Variants in SUN5 observed in about 807,000 individuals in gnomAD.
SUN5 encodes Sad1 and UNC84 domain containing 5.
In SUN5, 44 loss-of-function variants were observed where a neutral mutation model predicts 53.7. The observed-to-expected ratio is 0.82, with a 90% CI of 0.64 to 1.05. SUN5 has a LOEUF of 1.05. Among genes scored for constraint, SUN5 ranks in the 50% least tolerant of loss-of-function variants. The pLI, the probability that SUN5 is intolerant of heterozygous loss-of-function variation, is 0.00. For synonymous variants in SUN5, 166 were observed against 179.8 expected, an observed-to-expected ratio of 0.92 and a Z score of 0.62; for missense variants, 433 against 483.8, an observed-to-expected ratio of 0.90 and a Z score of 0.98.
intron 7 of SUN5, among the ~76,000 whole-genome samples, chr20:32,996,088 C>A (rs1268146549): frequency 1.3e-5 from 2 of 152,156 alleles, no homozygotes; most frequent in Non-Finnish European, 2.9e-5. Flanking sequence ...TTCTTTAGCA[C>A]CCATAATTGC....
chr20:33,002,327 A>G, intron 3 of SUN5, among the ~76,000 whole-genome samples: 1 of 152,182 alleles, frequency 6.6e-6, no homozygotes, highest in African/African-American at 2.4e-5. Flanking sequence ...ACCAGCAGCC[A>G]GACTGGTGGT....
intron 2 of SUN5, 91 bp from the exon 3 acceptor site, chr20:33,002,752 A>G (rs945713045): frequency 1.9e-6 from 3 of 1,599,234 alleles, no homozygotes; most frequent in East Asian, 2.2e-5. Flanking sequence ...TGGTGCGAAC[A>G]TCCCTGCCCC....
chr20:32,987,629 C>T, intron 10 of SUN5, 31 bp downstream of exon 10: 1 of 1,547,914 alleles, frequency 6.5e-7, no homozygotes, highest in Non-Finnish European at 8.8e-7. Flanking sequence ...CACTCCCCTG[C>T]CGCTGTCCCA....
chr20:32,987,658 G>T lies in SUN5; in HGVS notation c.729+2C>A, dbSNP rs765618626. On this transcript the variant is annotated splice_donor_variant, in intron 10 of 12. Coordinates refer to ENST00000356173, the MANE Select transcript of SUN5 (RefSeq NM_080675.4). LOFTEE classifies it high-confidence loss of function. ...TGTCCCATCTCCCGCCATCCCCCCTGCCTCAAGGATCACGTCTGGGGGCTG... is the reference window on the plus strand; with the variant it reads ...TGTCCCATCTCCCGCCATCCCCCCTTCCTCAAGGATCACGTCTGGGGGCTG... The T allele has an allele frequency of 1.2e-6, 2 of 1,600,104 alleles. No homozygotes were observed. The highest frequency in any genetic ancestry group is 1.7e-5 in the Admixed American group (1 of 57,912).
chr20:32,992,770 A>G (rs1989743501), intron 8 of SUN5, among the ~76,000 whole-genome samples: 3 of 152,220 alleles, frequency 2.0e-5, no homozygotes, highest in Admixed American at 2.0e-4. Flanking sequence ...CCAAAAGGCA[A>G]CAGACAAAAT....
chr20:32,985,951 TC>T (rs1872979053), intron 10 of SUN5, 48 bp from the exon 11 acceptor site: 1 of 1,579,200 alleles, frequency 6.3e-7, no homozygotes, highest in African/African-American at 1.3e-5. Flanking sequence ...GGTAGGGGGA[TC>T]ATCCCACCTT....
intron 9 of SUN5, among the ~76,000 whole-genome samples, chr20:32,988,325 C>T (rs1989605033): frequency 6.6e-6 from 1 of 152,196 alleles, no homozygotes; most frequent in Admixed American, 6.5e-5. Context: ...CTCACTGATC[C>T]TGGGGGTGCC....
chr20:32,990,638 G>A (rs1326114121), intron 8 of SUN5, among the ~76,000 whole-genome samples: 1 of 152,222 alleles, frequency 6.6e-6, no homozygotes, highest in South Asian at 2.1e-4. Flanking sequence ...CAGGCCACAC[G>A]GAGAGGCCAC....
intron 9 of SUN5, among the ~76,000 whole-genome samples, chr20:32,989,017 C>A (rs1036675375): frequency 6.6e-6 from 1 of 152,030 alleles, no homozygotes; most frequent in Non-Finnish European, 1.5e-5. Flanking sequence ...GCTCTGCCTC[C>A]CGGGTTTACC....
In SUN5 at chr20:32,996,362, G is replaced by A. The variant is rs750044111; in HGVS notation, c.391-4C>T. 5.0e-6 allele frequency: 8 copies of A among 1,612,638 alleles called. No homozygotes were observed. Among genetic ancestry groups the A allele is most frequent in the Non-Finnish European group, 6.8e-6 (8 of 1,179,116 alleles). On this transcript the variant is annotated splice_region_variant and splice_polypyrimidine_tract_variant and intron_variant, in intron 6 of 12. Transcript: ENST00000356173. ...GTGGACCATTTATGCTGTCATCCTG[G>A]TGGAGTATTGAGAAAGTAAGGGGTC...
chr20:32,994,638 T>C (rs2377736), intron 8 of SUN5, among the ~76,000 whole-genome samples: 69,064 of 152,026 alleles, frequency 0.45, 16,466 homozygotes, highest in East Asian at 0.84. Flanking sequence ...GTGGCTCACG[T>C]CTGTAATCTT....
intron 8 of SUN5, 42 bp downstream of exon 8, chr20:32,995,577 A>C: frequency 1.9e-6 from 3 of 1,549,916 alleles, no homozygotes; most frequent in Non-Finnish European, 2.7e-6. Context: ...ACATCAAACA[A>C]AGAGAAATTA....
chr20:32,997,443 A>G (rs905431012), intron 6 of SUN5, among the ~76,000 whole-genome samples, 195 bp downstream of exon 6: 2 of 152,028 alleles, frequency 1.3e-5, no homozygotes, highest in East Asian at 3.9e-4. Flanking sequence ...ATTGCATCCA[A>G]TCTTTGAAAG....
rs1478197315 is a variant in SUN5 at position 32,983,779 on chromosome 20, G to A, written c.*15C>T. ...AAAAGACACTCAGACTTGGTCTGGG[G>A]GTAAAGAATAAATTTTAATCTCTCT... is the stretch of plus-strand genomic sequence containing the variant. On this transcript the variant is annotated 3_prime_UTR_variant, in exon 13 of 13. Coordinates refer to ENST00000356173, the MANE Select transcript of SUN5 (RefSeq NM_080675.4). The A allele has an allele frequency of 6.9e-7, 1 of 1,455,570 alleles. No individual in the cohort carries two copies. The allele number at this position is 1,455,570 out of a possible 1,614,324, so 90.2% of individuals were successfully genotyped here.
chr20:32,986,247 G>A (rs1989536650), intron 10 of SUN5, among the ~76,000 whole-genome samples: 1 of 152,144 alleles, frequency 6.6e-6, no homozygotes, highest in Non-Finnish European at 1.5e-5. Context: ...ATCACCCCAT[G>A]ACTTAGGCAT....
At chr20:33,001,100 G>T (rs1989993445) in intron 4 of SUN5, 112 bp downstream of exon 4, 12 of 1,263,324 alleles carry the variant, frequency 9.5e-6, no homozygotes, top group Non-Finnish European at 1.3e-5. Flanking sequence ...GTTTGGGATA[G>T]CTTTTCTGGT....
chr20:32,985,973 T>C (rs540791304), intron 10 of SUN5, 70 bp from the exon 11 acceptor site: 4 of 1,528,566 alleles, frequency 2.6e-6, no homozygotes, highest in African/African-American at 2.7e-5. Context: ...TGATCCCCTG[T>C]ACTTCCTGGG....
intron 3 of SUN5, among the ~76,000 whole-genome samples, chr20:33,001,941 T>C (rs555400456): frequency 4.9e-4 from 75 of 152,270 alleles, no homozygotes; most frequent in Middle Eastern, 3.4e-3. Flanking sequence ...CATGAGCCAC[T>C]GCGCTTGGCC....
chr20:32,998,512 A>C (rs773773027), intron 5 of SUN5, among the ~76,000 whole-genome samples: 1 of 152,182 alleles, frequency 6.6e-6, no homozygotes, highest in African/African-American at 2.4e-5. Flanking sequence ...AAATTTATTT[A>C]TTCTTCTTGA....
Sources: gnomAD v4.1 joint callset for allele counts (sites outside exome capture counted in the v4.1 genomes callset) on GRCh38, gnomAD v4.1.1 for gene constraint, MANE v1.5 for transcripts, NCBI Gene and HGNC (gene_info 2026-07-23, HGNC 2026-07-21) for gene names.